Variants in SLC25A43 observed in about 807,000 individuals in gnomAD.
SLC25A43 encodes the protein solute carrier family 25 member 43, also known as solute carrier family 25, member 43.
A neutral mutation model predicts 22.8 loss-of-function variants in SLC25A43; 10 were observed. The observed-to-expected ratio is 0.44, with a 90% CI of 0.27 to 0.74. SLC25A43 has a LOEUF of 0.74. Among genes scored for constraint, SLC25A43 ranks in the 30% least tolerant of loss-of-function variants. The probability of loss-of-function intolerance (pLI) is 0.17; values close to 1 mark genes in which losing one functional copy is unlikely to be tolerated. For synonymous variants in SLC25A43, 106 were observed against 121.6 expected, an observed-to-expected ratio of 0.87 and a Z score of 0.84; for missense variants, 233 against 279.1, an observed-to-expected ratio of 0.83 and a Z score of 1.18.
chrX:119,431,744 C>T (rs909322950), intron 3 of SLC25A43, among the ~76,000 whole-genome samples: 38 of 111,170 alleles, frequency 3.4e-4, no homozygotes, highest in African/African-American at 1.2e-3. Context: ...TCCTGAAGAG[C>T]TTGGATGACT....
At chrX:119,444,773 G>A (rs185579453) in intron 3 of SLC25A43, among the ~76,000 whole-genome samples, 112 of 108,939 alleles carry the variant, frequency 1.0e-3, no homozygotes, top group African/African-American at 3.6e-3. Context: ...AGTGGCTCAC[G>A]CCTGTAATCC....
chrX:119,415,775 G>A (rs768842811), intron 3 of SLC25A43, among the ~76,000 whole-genome samples: 1 of 108,737 alleles, frequency 9.2e-6, no homozygotes, highest in Non-Finnish European at 1.9e-5. Flanking sequence ...TTTGAGATAG[G>A]TAGGATCACT....
chrX:119,420,119 T>C (rs953783827), intron 3 of SLC25A43, among the ~76,000 whole-genome samples: 1 of 111,205 alleles, frequency 9.0e-6, no homozygotes, highest in Admixed American at 9.7e-5. Flanking sequence ...ATGAGAAAAC[T>C]GAGGCACCGA....
intron 3 of SLC25A43, among the ~76,000 whole-genome samples, chrX:119,413,777 G>T (rs2052373025): frequency 9.1e-6 from 1 of 110,395 alleles, no homozygotes; most frequent in Non-Finnish European, 1.9e-5. Flanking sequence ...GGGCCATTAA[G>T]TATTTAATTA....
intron 1 of SLC25A43, among the ~76,000 whole-genome samples, chrX:119,400,434 G>A (rs2052227685): frequency 8.9e-6 from 1 of 111,771 alleles, no homozygotes; most frequent in African/African-American, 3.2e-5. Flanking sequence ...TGGAAACCAA[G>A]CCTGAAAGAA....
intron 3 of SLC25A43, among the ~76,000 whole-genome samples, chrX:119,416,345 G>A (rs1381032780): frequency 1.8e-5 from 2 of 110,566 alleles, no homozygotes; most frequent in Admixed American, 9.7e-5. Flanking sequence ...TCAGCCTCCC[G>A]AGTAGCTAGG....
chrX:119,414,599 A>C (rs186696101), intron 3 of SLC25A43, among the ~76,000 whole-genome samples: 1 of 111,155 alleles, frequency 9.0e-6, no homozygotes, highest in East Asian at 2.8e-4. Flanking sequence ...TTTGTTGTAC[A>C]TATTTTTAGA....
At chrX:119,434,103 T>C (rs1052040419) in intron 3 of SLC25A43, among the ~76,000 whole-genome samples, 3 of 110,174 alleles carry the variant, frequency 2.7e-5, no homozygotes, top group East Asian at 2.9e-4. Context: ...GTAAACAAAT[T>C]TGGGACATGT....
At chrX:119,417,432 A>T (rs1004577070) in intron 3 of SLC25A43, among the ~76,000 whole-genome samples, 13 of 110,776 alleles carry the variant, frequency 1.2e-4, no homozygotes, top group Non-Finnish European at 2.3e-4. Context: ...TCTCAAAAAA[A>T]AGAGAAAAGA....
rs2052213814 is a variant in SLC25A43 at position 119,399,361 on chromosome X, C to T, written c.-43C>T. Reference sequence around the variant, plus strand: ...ACCTCCGCCCGTGGCCGGAGAGCCCCAGGCCCGAGCCACGCGGTCTTCCGG... The same window carrying T: ...ACCTCCGCCCGTGGCCGGAGAGCCCTAGGCCCGAGCCACGCGGTCTTCCGG... On this transcript the variant is annotated 5_prime_UTR_variant, in exon 1 of 5. Transcript: ENST00000217909. The T allele has an allele frequency of 2.1e-6, 2 of 933,169 alleles. No individual in the cohort carries two copies. Among genetic ancestry groups the T allele is most frequent in the East Asian group, 8.5e-5 (2 of 23,465 alleles). The allele number at this position is 933,169 out of a possible 1,213,427, so 76.9% of individuals were successfully genotyped here. A position where few individuals can be genotyped will look rare whatever the true frequency, so the allele number is the denominator to read the frequency against.
At chrX:119,447,445 T>C (rs915164844) in intron 3 of SLC25A43, among the ~76,000 whole-genome samples, 1 of 109,823 alleles carries the variant, frequency 9.1e-6, no homozygotes, top group African/African-American at 3.3e-5. Context: ...TAACTGGGAC[T>C]ACAGGTGTGC....
chrX:119,410,988 C>G (rs746461504), intron 3 of SLC25A43, among the ~76,000 whole-genome samples: 5 of 110,939 alleles, frequency 4.5e-5, no homozygotes, highest in Non-Finnish European at 9.5e-5. Flanking sequence ...ACTTGTGGCT[C>G]TCCTTCCTCC....
intron 3 of SLC25A43, among the ~76,000 whole-genome samples, chrX:119,434,304 A>G (rs1436680450): frequency 2.7e-5 from 3 of 109,675 alleles, no homozygotes; most frequent in African/African-American, 1.0e-4. Context: ...ATTAGGACAT[A>G]TAAAGTTTCA....
intron 1 of SLC25A43, among the ~76,000 whole-genome samples, chrX:119,403,444 C>A (rs1603293555): frequency 9.0e-6 from 1 of 111,328 alleles, no homozygotes; most frequent in Middle Eastern, 4.6e-3. Context: ...TGCACGCCAC[C>A]ATGCCTGGCT....
At position 119,452,027 on chromosome X, in the gene SLC25A43, C is replaced by A; in HGVS notation, c.709C>A (p.Pro237Thr). Reference sequence around the variant, plus strand: ...CTGTCAGGCTCAGAGCCCCTACCTCCCACACAGTGGAGGAGTAGATGTCCA... The same window carrying A: ...CTGTCAGGCTCAGAGCCCCTACCTCACACACAGTGGAGGAGTAGATGTCCA... ...RKMQAQSPYL[P>T]HSGGVDVHFS... The change falls in exon 4 of 5, where the codon CCA becomes ACA. Residue 237 changes from proline to threonine, a missense_variant. Physicochemically the swap from Pro to Thr is conservative, Grantham distance 38. Coordinates refer to ENST00000217909, the MANE Select transcript of SLC25A43 (RefSeq NM_145305.3). 8.3e-7 allele frequency: 1 copy of A among 1,211,253 alleles called. No homozygotes were observed. The highest frequency in any genetic ancestry group is 1.1e-6 in the Non-Finnish European group (1 of 895,275).
intron 1 of SLC25A43, among the ~76,000 whole-genome samples, chrX:119,402,873 T>C (rs979893724): frequency 1.5e-4 from 16 of 107,130 alleles, no homozygotes; most frequent in African/African-American, 4.8e-4. Flanking sequence ...ATAGGACTTA[T>C]CTCTGTATCA....
intron 3 of SLC25A43, among the ~76,000 whole-genome samples, chrX:119,415,940 A>G (rs986621256): frequency 2.7e-4 from 27 of 98,803 alleles, no homozygotes; most frequent in African/African-American, 9.8e-4. Flanking sequence ...CCCTGGAGGT[A>G]GAGGCTGCGG....
chrX:119,454,108 T>C lies in SLC25A43; in HGVS notation c.*1043T>C, dbSNP rs2052725274. ...AAATTCTCTGCCTTTTTAACTTGCT[T>C]TGCAAGCCTACTCTGAAAATAAGTT... is the stretch of plus-strand genomic sequence containing the variant. On this transcript the variant is annotated 3_prime_UTR_variant, in exon 5 of 5. Coordinates refer to ENST00000217909, the MANE Select transcript of SLC25A43 (RefSeq NM_145305.3). 8.9e-6 allele frequency: 1 copy of C among 112,078 alleles called. No individual in the cohort carries two copies. The highest frequency in any genetic ancestry group is 3.2e-5 in the African/African-American group (1 of 30,800). The allele number at this position is 112,078 out of a possible 1,213,427, so 9.2% of individuals were successfully genotyped here.
chrX:119,452,081 CAGAT>C lies in SLC25A43; in HGVS notation c.766_769del (p.Ile256Ter). 1 of 1,210,605 alleles carries C rather than the reference CAGAT, an allele frequency of 8.3e-7. No homozygotes were observed. Among genetic ancestry groups the C allele is most frequent in the Non-Finnish European group, 1.1e-6 (1 of 894,893 alleles). ...CTCAGGAGCAGTGGACTGCTTCCGG[CAGAT>C]AGTGAAGGCCCAGGGGGTCCTGGGG... On this transcript the variant is annotated frameshift_variant, in exon 4 of 5. Transcript: ENST00000217909. LOFTEE classifies it high-confidence loss of function.
Sources: gnomAD v4.1 joint callset for allele counts (sites outside exome capture counted in the v4.1 genomes callset) on GRCh38, gnomAD v4.1.1 for gene constraint, MANE v1.5 for transcripts, NCBI Gene and HGNC (gene_info 2026-07-23, HGNC 2026-07-21) for gene names.